NAV3: variants seen among roughly 807,000 people sequenced by gnomAD.
NAV3 encodes pore membrane and/or filament interacting like protein 1.
In NAV3, 87 loss-of-function variants were observed where a neutral mutation model predicts 244.7. That is an observed-to-expected ratio of 0.36 (90% CI 0.30 to 0.42). The LOEUF (loss-of-function observed/expected upper bound fraction) is 0.42, where lower values mean the gene tolerates loss of function less well. Among genes scored for constraint, NAV3 ranks in the 20% least tolerant of loss-of-function variants. NAV3 has a pLI of 1.00. For synonymous variants in NAV3, 1,126 were observed against 1,042.2 expected (o/e 1.08, Z -1.55); for missense variants, 2,663 against 2,893.3 (o/e 0.92, Z 1.83).
intron 8 of NAV3, among the ~76,000 whole-genome samples, chr12:78,015,144 T>C (rs1401003534): frequency 6.6e-6 from 1 of 151,500 alleles, no homozygotes; most frequent in Non-Finnish European, 1.5e-5. Flanking sequence ...AACCAAACCA[T>C]TGTTATTTCT....
At chr12:77,754,779 A>G (rs7954339) in intron 2 of NAV3, among the ~76,000 whole-genome samples, 80,082 of 151,866 alleles carry the variant, frequency 0.53, 21,966 homozygotes, top group African/African-American at 0.69. Context: ...GATGTCTTAC[A>G]AGACCAGTGA....
At chr12:77,874,470 C>CA (rs1449741683) in intron 1 of NAV3, among the ~76,000 whole-genome samples, 1 of 152,086 alleles carries the variant, frequency 6.6e-6, no homozygotes, top group Admixed American at 6.6e-5. Flanking sequence ...CTCAGCCTCT[C>CA]AAAGTACTGG....
chr12:77,673,888 C>CT (rs976232720), intron 2 of NAV3, among the ~76,000 whole-genome samples: 7 of 151,912 alleles, frequency 4.6e-5, no homozygotes, highest in African/African-American at 1.7e-4. Context: ...TTAGATTCAA[C>CT]TTTTTTTTAA....
intron 2 of NAV3, among the ~76,000 whole-genome samples, chr12:77,770,418 T>G (rs564999028): frequency 6.6e-6 from 1 of 152,244 alleles, no homozygotes; most frequent in African/African-American, 2.4e-5. Flanking sequence ...GGGCATGTCA[T>G]GAAATCAGGC....
chr12:77,596,043 C>A (rs1870152174), intron 2 of NAV3, among the ~76,000 whole-genome samples: 1 of 152,154 alleles, frequency 6.6e-6, no homozygotes, highest in Admixed American at 6.5e-5. Context: ...CTGGTCCATT[C>A]TAGCAATCTG....
intron 2 of NAV3, among the ~76,000 whole-genome samples, chr12:77,747,684 C>T (rs1334114373): frequency 1.3e-5 from 2 of 152,266 alleles, no homozygotes; most frequent in Admixed American, 6.5e-5. Context: ...ACATATACAC[C>T]ATGGAATACT....
intron 5 of NAV3, among the ~76,000 whole-genome samples, chr12:77,989,659 G>A (rs372598052): frequency 5.3e-5 from 8 of 152,082 alleles, no homozygotes; most frequent in East Asian, 1.9e-4. Context: ...CAAAAATCAT[G>A]AAATTGATAA....
intron 5 of NAV3, 38 bp downstream of exon 5, chr12:77,968,740 T>C (rs915092771): frequency 1.3e-6 from 2 of 1,588,220 alleles, no homozygotes; most frequent in Non-Finnish European, 8.6e-7. Flanking sequence ...TCCAATTAGT[T>C]TGTGTAGATA....
At chr12:77,956,532 G>A (rs1291089710) in intron 3 of NAV3, among the ~76,000 whole-genome samples, 1 of 152,086 alleles carries the variant, frequency 6.6e-6, no homozygotes, top group Non-Finnish European at 1.5e-5. Flanking sequence ...CATTGTAGCA[G>A]GGTTTGAGTC....
intron 7 of NAV3, among the ~76,000 whole-genome samples, chr12:78,004,323 G>A (rs1028679280): frequency 2.6e-5 from 4 of 152,142 alleles, no homozygotes; most frequent in Admixed American, 2.6e-4. Flanking sequence ...GTTGGCAATG[G>A]TGAGTGTAGG....
At chr12:77,593,970 A>G (rs1870045157) in intron 2 of NAV3, among the ~76,000 whole-genome samples, 2 of 152,156 alleles carry the variant, frequency 1.3e-5, no homozygotes. Flanking sequence ...CTTCTGTCAC[A>G]TGGTGTTTAC....
chr12:78,122,444 G>A lies in NAV3; in HGVS notation c.4238+16G>A, dbSNP rs1457694916. ...TCTCAGAAAGGTGAGCTTTCCTGGA[G>A]GCATTGATAACATCTTCCCCCTCTT... On this transcript the variant is annotated intron_variant, in intron 16 of 39. Coordinates refer to ENST00000397909, the MANE Select transcript of NAV3 (RefSeq NM_001024383.2). 3 of 1,563,034 alleles carry A rather than the reference G, an allele frequency of 1.9e-6. No homozygotes were observed. In the East Asian group the frequency reaches 6.7e-5, roughly 35 times the overall value.
At chr12:77,864,031 T>C (rs1379172673) in intron 1 of NAV3, among the ~76,000 whole-genome samples, 1 of 151,892 alleles carries the variant, frequency 6.6e-6, no homozygotes, top group African/African-American at 2.4e-5. Context: ...GAGATTATAA[T>C]ATAAATGGGG....
chr12:77,749,434 G>T (rs942199180), intron 2 of NAV3, among the ~76,000 whole-genome samples: 1 of 152,168 alleles, frequency 6.6e-6, no homozygotes, highest in Admixed American at 6.5e-5. Flanking sequence ...AGATGAAAAT[G>T]AGTATTAATA....
chr12:77,690,354 A>G (rs1874947592), intron 2 of NAV3, among the ~76,000 whole-genome samples: 1 of 151,838 alleles, frequency 6.6e-6, no homozygotes, highest in Non-Finnish European at 1.5e-5. Flanking sequence ...GTGAATTTGG[A>G]ACATTAAAAG....
At chr12:78,139,758 G>T (rs539363881) in intron 19 of NAV3, among the ~76,000 whole-genome samples, 2 of 151,810 alleles carry the variant, frequency 1.3e-5, no homozygotes, top group Non-Finnish European at 2.9e-5. Flanking sequence ...CCTAAAATTA[G>T]TAAAGGAACA....
In NAV3 at chr12:77,977,708, A is replaced by ACACGCG. The variant is rs71088353; in HGVS notation, c.671+9007_671+9008insACGCGC. Among the ~76,000 whole-genome samples, 49 of 73,354 alleles carry ACACGCG rather than the reference A, an allele frequency of 6.7e-4. No individual in the cohort carries two copies. In the East Asian group the frequency reaches 0.012, roughly 18 times the overall value. 48.1% of individuals were successfully genotyped at this position (73,354 alleles called of 152,430 possible). On this transcript the variant is annotated intron_variant, in intron 5 of 39. Transcript: ENST00000397909. ...TATATATACACACACACACACACAC[A>ACACGCG]CGCGCACACACACACACACACACAC... is the stretch of plus-strand genomic sequence containing the variant.
At chr12:77,833,894 G>A (rs1002030534) in intron 1 of NAV3, among the ~76,000 whole-genome samples, 2 of 152,080 alleles carry the variant, frequency 1.3e-5, no homozygotes, top group Non-Finnish European at 2.9e-5. Context: ...GGTCCATGTC[G>A]TTCTGCAGTC....
At chr12:77,974,765 C>T (rs1304931065) in intron 5 of NAV3, among the ~76,000 whole-genome samples, 1 of 152,132 alleles carries the variant, frequency 6.6e-6, no homozygotes, top group Non-Finnish European at 1.5e-5. Context: ...TGTTCTTCCT[C>T]TAATATTGGA....
Sources: gnomAD v4.1 joint callset for allele counts (sites outside exome capture counted in the v4.1 genomes callset) on GRCh38, gnomAD v4.1.1 for gene constraint, MANE v1.5 for transcripts, NCBI Gene and HGNC (gene_info 2026-07-23, HGNC 2026-07-21) for gene names.